Variants in NRXN3 observed in about 807,000 individuals in gnomAD.
NRXN3 encodes neurexin III.
A neutral mutation model predicts 137.6 loss-of-function variants in NRXN3; 32 were observed. The observed-to-expected ratio is 0.23, with a 90% CI of 0.18 to 0.31. The LOEUF (loss-of-function observed/expected upper bound fraction) is 0.31. Among genes scored for constraint, NRXN3 ranks in the 10% least tolerant of loss-of-function variants. The probability of loss-of-function intolerance (pLI) is 1.00; values close to 1 mark genes in which losing one functional copy is unlikely to be tolerated. For missense variants in NRXN3, 1,574 were observed against 2,062.5 expected, an observed-to-expected ratio of 0.76 and a Z score of 4.59; for synonymous variants, 798 against 784.5, an observed-to-expected ratio of 1.02 and a Z score of -0.29.
intron 1 of NRXN3, among the ~76,000 whole-genome samples, chr14:78,214,460 C>T (rs1346554346): frequency 6.6e-6 from 1 of 152,072 alleles, no homozygotes; most frequent in African/African-American, 2.4e-5. Flanking sequence ...TTCCAAAATT[C>T]CTGATTTTTC....
chr14:79,467,102 C>A, intron 15 of NRXN3, 119 bp from the exon 16 acceptor site: 1 of 947,536 alleles, frequency 1.1e-6, no homozygotes, highest in Non-Finnish European at 1.5e-6. Flanking sequence ...TAACCAAATA[C>A]TGTCCCATGG....
chr14:78,645,416 C>T lies in NRXN3; in HGVS notation c.1054C>T (p.Arg352Trp). Residue 352 changes from arginine to tryptophan, a missense_variant, in exon 5 of 21, where the codon CGG becomes TGG. Physicochemically the swap from Arg to Trp is moderately radical, Grantham distance 101. Coordinates refer to ENST00000335750, the MANE Select transcript of NRXN3 (RefSeq NM_001330195.2). The part of the protein sequence containing the change: ...WHDVKVTRNL[R>W]QVTISVDGIL... ...TGATGTCAAAGTGACACGCAACCTC[C>T]GGCAGGTAATGGCTGAGGGGAGAGA... is the stretch of plus-strand genomic sequence containing the variant. The T allele has an allele frequency of 6.3e-7, 1 of 1,581,844 alleles. No individual in the cohort carries two copies. Among genetic ancestry groups the T allele is most frequent in the Non-Finnish European group, 8.6e-7 (1 of 1,169,140 alleles).
At chr14:78,421,663 G>C (rs1262587529) in intron 4 of NRXN3, among the ~76,000 whole-genome samples, 2 of 152,104 alleles carry the variant, frequency 1.3e-5, no homozygotes, top group East Asian at 3.9e-4. Context: ...CTGGATATAA[G>C]GTAATTTTAG....
intron 10 of NRXN3, 98 bp from the exon 11 acceptor site, chr14:78,957,144 C>A: frequency 7.8e-7 from 1 of 1,284,204 alleles, no homozygotes; most frequent in Non-Finnish European, 1.1e-6. Context: ...TCCTTGAATG[C>A]TGCTGGGTCA....
At chr14:79,612,271 G>T (rs2098112613) in intron 16 of NRXN3, among the ~76,000 whole-genome samples, 1 of 152,114 alleles carries the variant, frequency 6.6e-6, no homozygotes, top group African/African-American at 2.4e-5. Context: ...AAATTCATTG[G>T]TTCAGCAGTT....
chr14:79,314,808 G>T lies in NRXN3; in HGVS notation c.3263-152413G>T, dbSNP rs577350933. Among the ~76,000 whole-genome samples, 18 of 145,976 alleles carry T rather than the reference G, an allele frequency of 1.2e-4. No individual in the cohort carries two copies. In the East Asian group the frequency reaches 2.1e-3, roughly 17 times the overall value. ...AGGCACCCCCCAGCAGGGGTACACTGACACCTCACACGGCAGGGTATTCCA... is the reference window on the plus strand; with the variant it reads ...AGGCACCCCCCAGCAGGGGTACACTTACACCTCACACGGCAGGGTATTCCA... On this transcript the variant is annotated intron_variant, in intron 15 of 20. Coordinates refer to ENST00000335750, the MANE Select transcript of NRXN3 (RefSeq NM_001330195.2).
intron 15 of NRXN3, among the ~76,000 whole-genome samples, chr14:79,231,072 T>G (rs2072092126): frequency 6.6e-6 from 1 of 152,166 alleles, no homozygotes; most frequent in African/African-American, 2.4e-5. Flanking sequence ...TTCTCACTCC[T>G]TAGGTAAAAA....
chr14:78,554,935 C>T (rs991158882), intron 4 of NRXN3, among the ~76,000 whole-genome samples: 3 of 152,116 alleles, frequency 2.0e-5, no homozygotes, highest in Admixed American at 2.0e-4. Flanking sequence ...CTTCCAAATC[C>T]CTTATGCAGT....
intron 20 of NRXN3, chr14:79,853,857 T>A (rs985593579): frequency 1.0e-6 from 1 of 984,314 alleles, no homozygotes; most frequent in African/African-American, 1.7e-5. Flanking sequence ...AAAGGCAAAT[T>A]ATAAAAGTAA....
intron 1 of NRXN3, among the ~76,000 whole-genome samples, chr14:78,182,533 G>A (rs1434192278): frequency 2.0e-5 from 3 of 152,170 alleles, no homozygotes; most frequent in Non-Finnish European, 4.4e-5. Flanking sequence ...GCAATGGCGC[G>A]ATCTTGGCTC....
intron 4 of NRXN3, among the ~76,000 whole-genome samples, chr14:78,407,303 G>T (rs1217318253): frequency 6.6e-6 from 1 of 152,128 alleles, no homozygotes; most frequent in Non-Finnish European, 1.5e-5. Context: ...GGATCTACAT[G>T]TACTGATTCC....
chr14:79,321,356 G>T (rs2089986279), intron 15 of NRXN3, among the ~76,000 whole-genome samples: 1 of 152,116 alleles, frequency 6.6e-6, no homozygotes, highest in Non-Finnish European at 1.5e-5. Context: ...AAATGAGTTT[G>T]TTAGATTTCA....
intron 15 of NRXN3, among the ~76,000 whole-genome samples, chr14:79,458,326 T>C (rs938152755): frequency 6.6e-6 from 1 of 152,190 alleles, no homozygotes; most frequent in Non-Finnish European, 1.5e-5. Flanking sequence ...GAAAGTTGTG[T>C]TCTATTTCAT....
At chr14:78,504,285 C>A (rs1386510965) in intron 4 of NRXN3, among the ~76,000 whole-genome samples, 1 of 152,160 alleles carries the variant, frequency 6.6e-6, no homozygotes, top group Non-Finnish European at 1.5e-5. Flanking sequence ...ATAAATAATT[C>A]TGGAAACAAC....
intron 15 of NRXN3, among the ~76,000 whole-genome samples, chr14:79,143,007 A>G (rs1318325788): frequency 3.3e-5 from 5 of 152,152 alleles, no homozygotes; most frequent in Non-Finnish European, 7.3e-5. Context: ...AATATCATCT[A>G]TTTATTTGCC....
At chr14:79,292,263 A>T (rs1159933822) in intron 15 of NRXN3, among the ~76,000 whole-genome samples, 1 of 152,216 alleles carries the variant, frequency 6.6e-6, no homozygotes, top group Non-Finnish European at 1.5e-5. Flanking sequence ...GCTGGCAATG[A>T]ATAGTTACAT....
intron 16 of NRXN3, among the ~76,000 whole-genome samples, chr14:79,624,980 G>A (rs2098268003): frequency 6.6e-6 from 1 of 151,842 alleles, no homozygotes; most frequent in East Asian, 1.9e-4. Context: ...ATTGTTTGTT[G>A]TAGAGATGAG....
intron 4 of NRXN3, among the ~76,000 whole-genome samples, chr14:78,468,992 G>A (rs1477648684): frequency 6.6e-6 from 1 of 152,090 alleles, no homozygotes; most frequent in Non-Finnish European, 1.5e-5. Context: ...AGGGGGCCTG[G>A]GGCATGGGAG....
chr14:78,749,709 G>C (rs2098631865), intron 8 of NRXN3, among the ~76,000 whole-genome samples: 3 of 152,208 alleles, frequency 2.0e-5, no homozygotes, highest in Admixed American at 2.0e-4. Context: ...TGGGGAGGCA[G>C]AAACATCCAA....
Sources: gnomAD v4.1 joint callset for allele counts (sites outside exome capture counted in the v4.1 genomes callset) on GRCh38, gnomAD v4.1.1 for gene constraint, MANE v1.5 for transcripts, NCBI Gene and HGNC (gene_info 2026-07-23, HGNC 2026-07-21) for gene names.